Variants in VIPAS39 observed in about 807,000 individuals in gnomAD.
VIPAS39 encodes the protein VPS33B interacting protein, apical-basolateral polarity regulator, spe-39 homolog.
A neutral mutation model predicts 84.7 loss-of-function variants in VIPAS39; 63 were observed. The ratio of observed to expected loss-of-function variants is 0.74; its 90% CI spans 0.61 to 0.92. The LOEUF (loss-of-function observed/expected upper bound fraction) is 0.92. Ranked by LOEUF, VIPAS39 falls within the 40% of genes least tolerant of loss-of-function variation. VIPAS39 has a pLI of 0.00. For synonymous variants in VIPAS39, 192 were observed against 216.5 expected, an observed-to-expected ratio of 0.89 and a Z score of 0.99; for missense variants, 499 against 604.5, an observed-to-expected ratio of 0.83 and a Z score of 1.83.
intron 13 of VIPAS39, among the ~76,000 whole-genome samples, 199 bp from the exon 14 acceptor site, chr14:77,435,592 G>T (rs1440475501): frequency 6.6e-6 from 1 of 152,142 alleles, no homozygotes; most frequent in Non-Finnish European, 1.5e-5. Flanking sequence ...ACATTGGATG[G>T]AAACAAATAG....
chr14:77,449,869 T>A, intron 4 of VIPAS39, 117 bp from the exon 5 acceptor site: 1 of 1,209,928 alleles, frequency 8.3e-7, no homozygotes, highest in Non-Finnish European at 1.2e-6. Flanking sequence ...ACTTAAGGCT[T>A]AAAAAAGGTT....
chr14:77,443,165 A>C lies in VIPAS39; in HGVS notation c.598-13T>G. 1 of 1,614,188 alleles carries C rather than the reference A, an allele frequency of 6.2e-7. No individual in the cohort carries two copies. Among genetic ancestry groups the C allele is most frequent in the Non-Finnish European group, 8.5e-7 (1 of 1,180,028 alleles). On this transcript the variant is annotated splice_polypyrimidine_tract_variant and intron_variant, in intron 8 of 19. Coordinates refer to ENST00000557658, the MANE Select transcript of VIPAS39 (RefSeq NM_001193315.2). ...GGAAAATCAGAACCTACAGGAAAAA[A>C]GAACAAAGACTGTGCAAACTTTCCA... is the stretch of plus-strand genomic sequence containing the variant.
intron 7 of VIPAS39, among the ~76,000 whole-genome samples, chr14:77,447,942 G>A (rs1450804019): frequency 6.6e-5 from 10 of 151,200 alleles, no homozygotes; most frequent in Admixed American, 3.3e-4. Context: ...GATTACAGGC[G>A]TGAGCCACCA....
chr14:77,453,392 A>G lies in VIPAS39; in HGVS notation c.103T>C (p.Ser35Pro). 6.2e-7 allele frequency: 1 copy of G among 1,613,454 alleles called. No homozygotes were observed. Among genetic ancestry groups the G allele is most frequent in the Non-Finnish European group, 8.5e-7 (1 of 1,179,826 alleles). Reference protein sequence around the residue: ...EDDELSQLKESKRAVNSLRDF... With the variant: ...EDDELSQLKEPKRAVNSLRDF... ...CGGAGGCTGTTCACCGCCCGCTTGG[A>G]CTCCTTTAACTGCAGAGGGACACAA... Residue 35 changes from serine (S) to proline (P), a missense_variant, in exon 3 of 20, where the codon TCC becomes CCC. Coordinates refer to ENST00000557658, the MANE Select transcript of VIPAS39 (RefSeq NM_001193315.2).
chr14:77,429,944 A>G lies in VIPAS39; in HGVS notation c.1180-177T>C, dbSNP rs78774970. Among the ~76,000 whole-genome samples the G allele has an allele frequency of 0.03, 4,594 of 152,316 alleles. 227 individuals are homozygous for G. The highest frequency in any genetic ancestry group is 0.1 in the African/African-American group (4,347 of 41,538). ...AAATCAAGGGATTTGAGAGAGTGGA[A>G]ATGAATCAGGTTTGAAATAACTTCT... On this transcript the variant is annotated intron_variant, in intron 16 of 19. Transcript: ENST00000557658.
Position 77,433,923 on chromosome 14 carries a change from A to T in VIPAS39, c.1098T>A (p.Asp366Glu), listed in dbSNP as rs774940891. 3.7e-6 allele frequency: 6 copies of T among 1,613,878 alleles called. No individual in the cohort carries two copies. Among genetic ancestry groups the T allele is most frequent in the Non-Finnish European group, 5.1e-6 (6 of 1,179,952 alleles). The stretch of plus-strand genomic sequence containing the variant: ...CCAGGGCTGTCAGCACATACTGTTT[A>T]TCTGGGATCTGGAAAGCAGAGACCG... ...VNLKKTFKIP[D>E]KQYVLTALAA... Residue 366 changes from aspartate to glutamate, a missense_variant, in exon 16 of 20, where the codon GAT (aspartate) becomes GAA (glutamate). Coordinates refer to ENST00000557658, the MANE Select transcript of VIPAS39 (RefSeq NM_001193315.2).
chr14:77,454,675 CAA>C (rs529008875), intron 1 of VIPAS39, among the ~76,000 whole-genome samples: 7 of 124,866 alleles, frequency 5.6e-5, no homozygotes, highest in Admixed American at 8.7e-5. Flanking sequence ...ACTCCGTCTC[CAA>C]AAAAAAAAAA....
chr14:77,452,736 C>T (rs1288630914), intron 3 of VIPAS39, among the ~76,000 whole-genome samples: 4 of 143,522 alleles, frequency 2.8e-5, no homozygotes, highest in East Asian at 4.5e-4. Flanking sequence ...GTCAGGATCG[C>T]GCCATTGCAC....
intron 8 of VIPAS39, 53 bp from the exon 9 acceptor site, chr14:77,443,205 C>T: frequency 6.2e-7 from 1 of 1,609,514 alleles, no homozygotes; most frequent in Non-Finnish European, 8.5e-7. Context: ...AGAGTCATGC[C>T]CTGAGCACTA....
At chr14:77,429,457 A>G (rs1007806759) in intron 17 of VIPAS39, among the ~76,000 whole-genome samples, 2 of 144,860 alleles carry the variant, frequency 1.4e-5, no homozygotes, top group Non-Finnish European at 2.9e-5. Context: ...TTGGGCTAAC[A>G]CAGTAGATGC....
chr14:77,427,259 G>T lies in VIPAS39; in HGVS notation c.*357C>A, dbSNP rs2078445161. Reference sequence around the variant, plus strand: ...GTCCTGGATCATAATTAGCTGAGTGGAATGCAGTAGCCACCCTATGACTCC... The same window carrying T: ...GTCCTGGATCATAATTAGCTGAGTGTAATGCAGTAGCCACCCTATGACTCC... On this transcript the variant is annotated 3_prime_UTR_variant, in exon 20 of 20. Transcript: ENST00000557658. 3.1e-6 allele frequency: 1 copy of T among 318,708 alleles called. No individual in the cohort carries two copies. The highest frequency in any genetic ancestry group is 6.0e-6 in the Non-Finnish European group (1 of 167,868). 19.7% of individuals were successfully genotyped at this position (318,708 alleles called of 1,614,324 possible).
At chr14:77,435,231 T>C (rs754708740) in intron 14 of VIPAS39, 28 bp downstream of exon 14, 3 of 1,614,028 alleles carry the variant, frequency 1.9e-6, no homozygotes, top group Non-Finnish European at 2.5e-6. Context: ...AATGAGAGTT[T>C]GTGGAATCTT....
chr14:77,429,158 G>T, intron 17 of VIPAS39, 63 bp from the exon 18 acceptor site: 1 of 1,495,946 alleles, frequency 6.7e-7, no homozygotes, highest in Non-Finnish European at 9.3e-7. Context: ...GCTCTACAAG[G>T]TAGAAAAGAA....
In VIPAS39 at chr14:77,427,574, G is replaced by A. The variant is rs757244062; in HGVS notation, c.*42C>T. ...GAGCTCTCTCTGCTTTCACAGGCAGGAGAGGAGGAAATGAGGCAGGCTTCA... is the reference window on the plus strand; with the variant it reads ...GAGCTCTCTCTGCTTTCACAGGCAGAAGAGGAGGAAATGAGGCAGGCTTCA... On this transcript the variant is annotated 3_prime_UTR_variant, in exon 20 of 20. Coordinates refer to ENST00000557658, the MANE Select transcript of VIPAS39 (RefSeq NM_001193315.2). 3 of 1,613,682 alleles carry A rather than the reference G, an allele frequency of 1.9e-6. No individual in the cohort carries two copies. Among genetic ancestry groups the A allele is most frequent in the Non-Finnish European group, 2.5e-6 (3 of 1,179,598 alleles).
In VIPAS39 at chr14:77,429,003, C is replaced by G. The variant is rs1460953161; in HGVS notation, c.1356+3G>C. Reference sequence around the variant, plus strand: ...GGAGGACTCCCATTTCTTGGGGACTCACATCAATGACGACATCATGGCACT... The same window carrying G: ...GGAGGACTCCCATTTCTTGGGGACTGACATCAATGACGACATCATGGCACT... On this transcript the variant is annotated splice_donor_region_variant and intron_variant, in intron 18 of 19. Transcript: ENST00000557658. 3.1e-6 allele frequency: 5 copies of G among 1,613,612 alleles called. No individual in the cohort carries two copies. The highest frequency in any genetic ancestry group is 4.2e-6 in the Non-Finnish European group (5 of 1,179,638).
At chr14:77,453,900 G>C in intron 2 of VIPAS39, 110 bp downstream of exon 2, 1 of 985,854 alleles carries the variant, frequency 1.0e-6, no homozygotes, top group East Asian at 2.5e-5. Flanking sequence ...GCTCTTTTCT[G>C]AGCCTAATGA....
At position 77,442,679 on chromosome 14, in the gene VIPAS39, A is replaced by G. The variant is rs1046696029; in HGVS notation, c.632-17T>C. The G allele has an allele frequency of 1.2e-6, 2 of 1,611,696 alleles. No homozygotes were observed. Among genetic ancestry groups the G allele is most frequent in the East Asian group, 4.5e-5 (2 of 44,872 alleles). The stretch of plus-strand genomic sequence containing the variant: ...AGAGGATCTCTGTCAGACAGTCAGG[A>G]GTTAAGTTGAGAAAGATTAAAGCCA... On this transcript the variant is annotated splice_polypyrimidine_tract_variant and intron_variant, in intron 9 of 19. Transcript: ENST00000557658.
intron 16 of VIPAS39, among the ~76,000 whole-genome samples, chr14:77,430,716 CA>C (rs2078508339): frequency 1.8e-5 from 1 of 55,772 alleles, no homozygotes; most frequent in African/African-American, 5.8e-5. Flanking sequence ...GACTCTGTCT[CA>C]AAAAAGAAAA....
At position 77,427,688 on chromosome 14, in the gene VIPAS39, A is replaced by G. The variant is rs113345568; in HGVS notation, c.1462-52T>C. The G allele has an allele frequency of 2.1e-5, 34 of 1,611,320 alleles. No homozygotes were observed. In the African/African-American group the frequency reaches 3.5e-4, roughly 16 times the overall value. On this transcript the variant is annotated intron_variant, in intron 19 of 19. Transcript: ENST00000557658. ...GTGTGATCAGTTTTCACTTATCCCT[A>G]CAGCAAGGCAGAGAAAATGCAACAA...
Sources: gnomAD v4.1 joint callset for allele counts (sites outside exome capture counted in the v4.1 genomes callset) on GRCh38, gnomAD v4.1.1 for gene constraint, MANE v1.5 for transcripts, NCBI Gene and HGNC (gene_info 2026-07-23, HGNC 2026-07-21) for gene names.